Variants in PDGFA observed in about 807,000 individuals in gnomAD.
PDGFA encodes platelet-derived growth factor subunit A.
In PDGFA, 9 loss-of-function variants were observed where a neutral mutation model predicts 25.6. The observed-to-expected ratio is 0.35, with a 90% CI of 0.21 to 0.61. The LOEUF (loss-of-function observed/expected upper bound fraction) is 0.61, where lower values mean the gene tolerates loss of function less well. Among genes scored for constraint, PDGFA ranks in the 20% least tolerant of loss-of-function variants. The pLI is 0.75. For missense variants in PDGFA, 242 were observed against 272.8 expected (o/e 0.89, Z 0.79); for synonymous variants, 133 against 111.8 (o/e 1.19, Z -1.20).
intron 4 of PDGFA, among the ~76,000 whole-genome samples, chr7:505,868 G>A (rs1319942546): frequency 2.0e-5 from 3 of 152,192 alleles, no homozygotes; most frequent in Non-Finnish European, 4.4e-5. Flanking sequence ...CAATCCAGAT[G>A]CTGACTTGGG....
At chr7:505,937 G>A (rs1782542912) in intron 4 of PDGFA, among the ~76,000 whole-genome samples, 1 of 152,186 alleles carries the variant, frequency 6.6e-6, no homozygotes, top group Admixed American at 6.5e-5. Flanking sequence ...ACTTTGGGAG[G>A]TCGAGGCGGG....
intron 4 of PDGFA, among the ~76,000 whole-genome samples, chr7:509,758 G>T (rs1209046947): frequency 6.6e-6 from 1 of 152,194 alleles, no homozygotes; most frequent in Non-Finnish European, 1.5e-5. Flanking sequence ...CCGGCGCCCT[G>T]ATCTTGGACT....
intron 3 of PDGFA, among the ~76,000 whole-genome samples, chr7:511,246 TCGGAGGGGAGGGGAACTTAGTCCAGG>T (rs1782819140): frequency 8.5e-6 from 1 of 118,288 alleles, no homozygotes. Context: ...GGCCAGTGGC[TCGGAGGGGAGGGGAACTTAGTCCAGG>T]TGGGGCCAGT....
intron 2 of PDGFA, among the ~76,000 whole-genome samples, chr7:514,461 T>C (rs976246701): frequency 6.6e-5 from 10 of 151,752 alleles, no homozygotes; most frequent in African/African-American, 2.4e-4. Context: ...ATGCCGAGAG[T>C]GGACCACGCT....
intron 3 of PDGFA, among the ~76,000 whole-genome samples, chr7:511,689 C>G (rs1393959854): frequency 6.6e-6 from 1 of 152,180 alleles, no homozygotes; most frequent in Non-Finnish European, 1.5e-5. Context: ...AGGGCTCAAA[C>G]CCATCAGGTG....
At chr7:503,099 C>T (rs9691641) in intron 4 of PDGFA, among the ~76,000 whole-genome samples, 83,249 of 151,940 alleles carry the variant, frequency 0.55, 23,079 homozygotes, top group Non-Finnish European at 0.59. Flanking sequence ...AACCATGCTA[C>T]AAGGAGGCAA....
At position 500,334 on chromosome 7, in the gene PDGFA, C is replaced by A; in HGVS notation, c.580+782G>T. ...AGGCCAATCAGGGCCACATCCCCGCCGCACCCGGCGAGACAGGAAGCGTGA... is the reference window on the plus strand; with the variant it reads ...AGGCCAATCAGGGCCACATCCCCGCAGCACCCGGCGAGACAGGAAGCGTGA... On this transcript the variant is annotated intron_variant, in intron 5 of 5. Transcript: ENST00000402802. This position sits in a 1 kb window ranked among gnomAD's most constrained non-coding sequence, Gnocchi z 5.0. 1 of 1,380,396 alleles carries A rather than the reference C, an allele frequency of 7.2e-7. No individual in the cohort carries two copies. The highest frequency in any genetic ancestry group is 1.2e-5 in the South Asian group (1 of 83,226). 85.5% of individuals were successfully genotyped at this position (1,380,396 alleles called of 1,614,324 possible).
At chr7:510,781 G>A in intron 4 of PDGFA, 28 bp downstream of exon 4, 1 of 921,662 alleles carries the variant, frequency 1.1e-6, no homozygotes, top group Non-Finnish European at 1.6e-6. Context: ...GGGGAGGGGA[G>A]GGGAGGGGAG....
Position 500,502 on chromosome 7 carries a change from G to C in PDGFA, c.580+614C>G. 6.2e-7 allele frequency: 1 copy of C among 1,614,020 alleles called. No individual in the cohort carries two copies. The highest frequency in any genetic ancestry group is 1.7e-5 in the Admixed American group (1 of 60,032). On this transcript the variant is annotated intron_variant, in intron 5 of 5. Coordinates refer to ENST00000402802, the Ensembl canonical transcript of PDGFA. The surrounding 1 kb of genome is among the most constrained non-coding windows in gnomAD (Gnocchi z 5.0). ...TTTACCTGACTCCCTAGGCCTTCCT[G>C]TTAACAAAAGGGCAGGGCGGTGAGT...
At chr7:501,791 T>TG (rs945469859) in intron 4 of PDGFA, among the ~76,000 whole-genome samples, 9 of 152,120 alleles carry the variant, frequency 5.9e-5, no homozygotes, top group Non-Finnish European at 8.8e-5. Flanking sequence ...CACGTGTGCC[T>TG]GGGGGGGCTG....
intron 5 of PDGFA, 29 bp downstream of exon 5, chr7:501,087 C>T (rs771730430): frequency 6.2e-7 from 1 of 1,614,200 alleles, no homozygotes; most frequent in Non-Finnish European, 8.5e-7. Flanking sequence ...TGTTCTCCAA[C>T]ACCGATGCCG....
chr7:519,327 C>A, exon 1 of PDGFA: 1 of 301,392 alleles, frequency 3.3e-6, no homozygotes, highest in South Asian at 9.5e-5. Flanking sequence ...CGGTGCTGGC[C>A]GCCGCCGCGC....
chr7:503,938 G>T (rs1452173501), intron 4 of PDGFA, among the ~76,000 whole-genome samples: 5 of 152,090 alleles, frequency 3.3e-5, no homozygotes, highest in African/African-American at 1.2e-4. Flanking sequence ...CGTTCCACTC[G>T]GGAGGCCTCA....
At chr7:512,699 G>A in intron 2 of PDGFA, 1 of 1,420,152 alleles carries the variant, frequency 7.0e-7, no homozygotes, top group Non-Finnish European at 9.3e-7. Flanking sequence ...TAGCACAGAG[G>A]TCCCCACATT....
upstream of PDGFA, chr7:520,269 C>A (rs1231480591): frequency 1.1e-5 from 2 of 190,196 alleles, no homozygotes; most frequent in South Asian, 6.7e-5. Flanking sequence ...GAGAGCCGGT[C>A]CCCGCCCCCG....
exon 4 of PDGFA, chr7:510,973 T>C (rs1782803919): frequency 1.9e-6 from 3 of 1,612,618 alleles, no homozygotes; most frequent in Non-Finnish European, 1.7e-6. Flanking sequence ...GTCCTGGTCT[T>C]GCAGACAGCG....
intron 4 of PDGFA, among the ~76,000 whole-genome samples, chr7:501,622 T>C (rs1421349886): frequency 6.6e-6 from 1 of 152,122 alleles, no homozygotes; most frequent in Non-Finnish European, 1.5e-5. Flanking sequence ...GAGATCTCGC[T>C]ATGTTGCCGA....
chr7:510,732 G>T, intron 4 of PDGFA, 77 bp downstream of exon 4: 2 of 386,228 alleles, frequency 5.2e-6, no homozygotes, highest in South Asian at 4.3e-5. Context: ...GGGAGAGGAG[G>T]GGAGGGGAGA....
chr7:507,584 G>A (rs974258845), intron 4 of PDGFA, among the ~76,000 whole-genome samples: 5 of 152,200 alleles, frequency 3.3e-5, no homozygotes, highest in African/African-American at 1.2e-4. Context: ...GGCTGCACAA[G>A]GCTGAGCCAT....
Sources: gnomAD v4.1 joint callset for allele counts (sites outside exome capture counted in the v4.1 genomes callset) on GRCh38, gnomAD v4.1.1 for gene constraint, Gnocchi (gnomAD v3.1) non-coding constraint, MANE v1.5 for transcripts, NCBI Gene and HGNC (gene_info 2026-07-23, HGNC 2026-07-21) for gene names.